Variants in PARG observed in about 807,000 individuals in gnomAD.
PARG encodes mitochondrial poly(ADP-ribose) glycohydrolase.
Under a neutral mutation model 113.0 loss-of-function variants are expected in PARG, and 35 were observed. That is an observed-to-expected ratio of 0.31 (90% confidence interval 0.24 to 0.41). The LOEUF (loss-of-function observed/expected upper bound fraction) is 0.41, where lower values mean the gene tolerates loss of function less well. Ranked by LOEUF, PARG falls within the 10% of genes least tolerant of loss-of-function variation. The pLI is 1.00. For synonymous variants in PARG, 330 were observed against 409.9 expected (o/e 0.81, Z 2.36); for missense variants, 797 against 1,169.4 (o/e 0.68, Z 4.64).
At chr10:49,915,592 C>T (rs1335010891) in intron 7 of PARG, among the ~76,000 whole-genome samples, 1 of 151,994 alleles carries the variant, frequency 6.6e-6, no homozygotes, top group Non-Finnish European at 1.5e-5. Context: ...CACAATGTAA[C>T]TGAAGGTAAA....
At chr10:49,820,137 C>G in intron 17 of PARG, 28 bp downstream of exon 17, 1 of 1,484,628 alleles carries the variant, frequency 6.7e-7, no homozygotes, top group Non-Finnish European at 9.2e-7. Flanking sequence ...CATCTAGATA[C>G]CAAGTGTCAA....
intron 6 of PARG, among the ~76,000 whole-genome samples, chr10:49,920,651 T>TGTATATATATACAC (rs1588993382): frequency 8.1e-5 from 12 of 147,986 alleles, no homozygotes; most frequent in East Asian, 6.0e-4. Context: ...CACATATACG[T>TGTATATATATACAC]ATATATATGG....
chr10:49,819,306 G>C lies in PARG; in HGVS notation c.*34C>G, dbSNP rs2132330574. 6.6e-7 allele frequency: 1 copy of C among 1,526,630 alleles called. No individual in the cohort carries two copies. The highest frequency in any genetic ancestry group is 1.2e-5 in the South Asian group (1 of 82,110). The allele number at this position is 1,526,630 out of a possible 1,614,324, so 94.6% of individuals were successfully genotyped here. A position where few individuals can be genotyped will look rare whatever the true frequency, so the allele number is the denominator to read the frequency against. On this transcript the variant is annotated 3_prime_UTR_variant, in exon 18 of 18. Transcript: ENST00000616448. ...ACAGCTCAAACAGGACGTCTCTGGT[G>C]GGAGGTGGGAGGAGATGCTATTCGC...
chr10:49,939,515 G>A (rs1838915330), intron 1 of PARG, among the ~76,000 whole-genome samples: 1 of 152,154 alleles, frequency 6.6e-6, no homozygotes, highest in Non-Finnish European at 1.5e-5. Flanking sequence ...TTATGCTGTG[G>A]GTTGCAGTTA....
In PARG at chr10:49,922,431, A is replaced by C. The variant is rs781941796; in HGVS notation, c.1579-12T>G. Reference sequence around the variant, plus strand: ...GTTCGCTCACCATTCTTTTGGAAAAAAGAAAAACATATGAGGAAGCTATTC... The same window carrying C: ...GTTCGCTCACCATTCTTTTGGAAAACAGAAAAACATATGAGGAAGCTATTC... On this transcript the variant is annotated splice_polypyrimidine_tract_variant and intron_variant, in intron 5 of 17. Coordinates refer to ENST00000616448, the MANE Select transcript of PARG (RefSeq NM_003631.5). 2 of 1,609,452 alleles carry C rather than the reference A, an allele frequency of 1.2e-6. No individual in the cohort carries two copies.
chr10:49,905,650 C>A (rs1207871246), intron 7 of PARG, among the ~76,000 whole-genome samples: 2 of 152,226 alleles, frequency 1.3e-5, no homozygotes, highest in African/African-American at 4.8e-5. Context: ...GCAGTACATT[C>A]CCCCACCTTA....
intron 7 of PARG, among the ~76,000 whole-genome samples, chr10:49,892,912 T>C (rs1847880635): frequency 6.6e-6 from 1 of 152,204 alleles, no homozygotes; most frequent in African/African-American, 2.4e-5. Flanking sequence ...TGAAACCCTA[T>C]CTCTACTAAA....
At chr10:49,826,768 T>A (rs1212026599) in intron 16 of PARG, among the ~76,000 whole-genome samples, 3 of 152,166 alleles carry the variant, frequency 2.0e-5, no homozygotes, top group African/African-American at 7.2e-5. Context: ...ATTGGTCAAA[T>A]TAGAGTATTT....
rs1838581299 is a variant in PARG, at chr10:49,933,325, T to C, written c.1123A>G (p.Ser375Gly). The C allele has an allele frequency of 3.7e-6, 6 of 1,611,802 alleles. No homozygotes were observed. The highest frequency in any genetic ancestry group is 1.1e-5 in the South Asian group (1 of 90,912). ...RLHFQFEGGE[S>G]RTGMNDLNAK... Reference sequence around the variant, plus strand: ...TTTAAATCATTCATTCCAGTGCGACTCTCTCCTCCTTCAAATTGGAAATGT... The same window carrying C: ...TTTAAATCATTCATTCCAGTGCGACCCTCTCCTCCTTCAAATTGGAAATGT... The change falls in exon 3 of 18, where the codon AGT (serine) becomes GGT (glycine). Residue 375 changes from serine to glycine, a missense_variant. Physicochemically the swap from Ser to Gly is moderately conservative, Grantham distance 56. Transcript: ENST00000616448.
intron 7 of PARG, among the ~76,000 whole-genome samples, chr10:49,912,471 T>C (rs1837247123): frequency 6.7e-6 from 1 of 149,056 alleles, no homozygotes; most frequent in South Asian, 2.1e-4. Context: ...GAGACCATCA[T>C]GGCCAACATG....
rs1177337702 is a variant in PARG at position 49,902,290 on chromosome 10, T to C, written c.1737+13627A>G. On this transcript the variant is annotated intron_variant, in intron 7 of 17. Transcript: ENST00000616448. ...ACTCCAATTCATTTTAAAAGAAGGA[T>C]GAAAATGGTCAAATATTCCTCTTGA... Among the ~76,000 whole-genome samples the C allele has an allele frequency of 5.9e-5, 9 of 152,336 alleles. No homozygotes were observed. In the East Asian group the frequency reaches 1.2e-3, roughly 20 times the overall value.
At chr10:49,869,774 A>G (rs551623039) in intron 9 of PARG, among the ~76,000 whole-genome samples, 2 of 151,470 alleles carry the variant, frequency 1.3e-5, no homozygotes, top group Admixed American at 1.3e-4. Context: ...CTCAAATCAG[A>G]CATCATTTAC....
Position 49,836,307 on chromosome 10 carries a change from CTTTTTTTTT to C in PARG, c.2542-3408_2542-3400del, listed in dbSNP as rs1168567519. Among the ~76,000 whole-genome samples the C allele has an allele frequency of 2.7e-3, 129 of 48,010 alleles. 1 individual carries two copies. The highest frequency in any genetic ancestry group is 4.3e-3 in the Admixed American group (10 of 2,332). The allele number at this position is 48,010 out of a possible 152,430, so 31.5% of individuals were successfully genotyped here. On this transcript the variant is annotated intron_variant, in intron 15 of 17. Transcript: ENST00000616448. ...TTTAGTATTCTCTGATTTCTTACGA[CTTTTTTTTT>C]TTTTTTTTTTTTTTTTTTTTAGCCC...
intron 16 of PARG, among the ~76,000 whole-genome samples, chr10:49,826,954 CAG>C (rs782223109): frequency 6.6e-6 from 1 of 152,224 alleles, no homozygotes; most frequent in Non-Finnish European, 1.5e-5. Flanking sequence ...CCAACACAAA[CAG>C]AGGGAGAGCC....
At chr10:49,896,522 T>C (rs1848097125) in intron 7 of PARG, among the ~76,000 whole-genome samples, 1 of 152,164 alleles carries the variant, frequency 6.6e-6, no homozygotes, top group African/African-American at 2.4e-5. Context: ...TAACCTCAGG[T>C]GATCCACCCG....
chr10:49,831,294 G>C (rs1276115048), intron 16 of PARG, among the ~76,000 whole-genome samples: 1 of 152,050 alleles, frequency 6.6e-6, no homozygotes, highest in Non-Finnish European at 1.5e-5. Context: ...GAGGGGAAAG[G>C]CAGTTACATT....
intron 12 of PARG, among the ~76,000 whole-genome samples, chr10:49,859,736 C>A (rs1239237943): frequency 3.9e-5 from 6 of 152,146 alleles, no homozygotes; most frequent in Non-Finnish European, 5.9e-5. Flanking sequence ...GAATAAAAGG[C>A]CCACATTTTT....
intron 7 of PARG, among the ~76,000 whole-genome samples, chr10:49,891,590 C>CATATATATATAT (rs1211471476): frequency 2.5e-4 from 12 of 48,614 alleles, no homozygotes; most frequent in African/African-American, 4.7e-4. Context: ...TCCTATGGTC[C>CATATATATATAT]ATATATATAT....
intron 7 of PARG, among the ~76,000 whole-genome samples, chr10:49,904,422 G>A (rs1361825382): frequency 6.0e-5 from 9 of 150,868 alleles, no homozygotes; most frequent in Admixed American, 4.0e-4. Flanking sequence ...CTCATACAAG[G>A]AAGCTTATAG....
Sources: gnomAD v4.1 joint callset for allele counts (sites outside exome capture counted in the v4.1 genomes callset) on GRCh38, gnomAD v4.1.1 for gene constraint, MANE v1.5 for transcripts, NCBI Gene and HGNC (gene_info 2026-07-23, HGNC 2026-07-21) for gene names.